The following KLF6 variants were observed in gnomAD, a reference collection of about 807,000 sequenced individuals.
KLF6 encodes the protein KLF transcription factor 6, also known as Krueppel-like factor 6.
For synonymous variants in KLF6, 152 were observed against 147.9 expected, an observed-to-expected ratio of 1.03 and a Z score of -0.20; for missense variants, 233 against 359.8, an observed-to-expected ratio of 0.65 and a Z score of 2.85.
At chr10:3,779,668 C>A in intron 3 of KLF6, 78 bp from the exon 4 acceptor site, 2 of 1,282,788 alleles carry the variant, frequency 1.6e-6, no homozygotes, top group Non-Finnish European at 2.3e-6. Flanking sequence ...GCCCTCACCT[C>A]CCTGCCCTGC....
chr10:3,780,426 C>G lies in KLF6; in HGVS notation c.677-197G>C. ...TGACCCAGTCTCAGGCCTCCCACTGCTGTCCAAGGGACACAGCTTCAGCCA... is the reference window on the plus strand; with the variant it reads ...TGACCCAGTCTCAGGCCTCCCACTGGTGTCCAAGGGACACAGCTTCAGCCA... On this transcript the variant is annotated intron_variant, in intron 2 of 3. Coordinates refer to ENST00000497571, the MANE Select transcript of KLF6 (RefSeq NM_001300.6). The surrounding 1 kb of genome is among the most constrained non-coding windows in gnomAD (Gnocchi z 4.6). 2 of 668,876 alleles carry G rather than the reference C, an allele frequency of 3.0e-6. No homozygotes were observed. The highest frequency in any genetic ancestry group is 5.4e-6 in the Non-Finnish European group (2 of 370,170). The allele number at this position is 668,876 out of a possible 1,614,324, so 41.4% of individuals were successfully genotyped here.
Position 3,780,308 on chromosome 10 carries a change from A to T in KLF6, c.677-79T>A. 1 of 1,575,048 alleles carries T rather than the reference A, an allele frequency of 6.3e-7. No homozygotes were observed. The highest frequency in any genetic ancestry group is 8.7e-7 in the Non-Finnish European group (1 of 1,154,292). ...AAAGGGGAAATTCAACAACACACAC[A>T]GTGGTGGGATGCAAGGCCAGGGACC... On this transcript the variant is annotated intron_variant, in intron 2 of 3. Transcript: ENST00000497571. The surrounding 1 kb of genome is among the most constrained non-coding windows in gnomAD (Gnocchi z 4.6).
In KLF6 at chr10:3,781,306, G is replaced by A. The variant is rs980430779; in HGVS notation, c.676+335C>T. 27 of 960,656 alleles carry A rather than the reference G, an allele frequency of 2.8e-5. No individual in the cohort carries two copies. The highest frequency in any genetic ancestry group is 3.9e-5 in the Non-Finnish European group (26 of 669,902). 59.5% of individuals were successfully genotyped at this position (960,656 alleles called of 1,614,324 possible). A position where few individuals can be genotyped will look rare whatever the true frequency, so the allele number is the denominator to read the frequency against. Reference sequence around the variant, plus strand: ...CCCCAGGGCCGCTCGAGGTAGCCTCGTGCGAGTGCACTGGTGAAGGGGCAG... The same window carrying A: ...CCCCAGGGCCGCTCGAGGTAGCCTCATGCGAGTGCACTGGTGAAGGGGCAG... On this transcript the variant is annotated intron_variant, in intron 2 of 3. Transcript: ENST00000497571. This position sits in a 1 kb window ranked among gnomAD's most constrained non-coding sequence, Gnocchi z 5.8.
Position 3,778,944 on chromosome 10 carries a change from A to C in KLF6, c.*595T>G. The C allele has an allele frequency of 1.9e-6, 1 of 534,848 alleles. No individual in the cohort carries two copies. The highest frequency in any genetic ancestry group is 3.6e-6 in the Non-Finnish European group (1 of 276,678). The allele number at this position is 534,848 out of a possible 1,614,324, so 33.1% of individuals were successfully genotyped here. Reference sequence around the variant, plus strand: ...TTCCTCTCACACAGAAAAGGGGGAGAGAGGCTCTCCCTCCCCACACCACTC... The same window carrying C: ...TTCCTCTCACACAGAAAAGGGGGAGCGAGGCTCTCCCTCCCCACACCACTC... On this transcript the variant is annotated 3_prime_UTR_variant, in exon 4 of 4. Coordinates refer to ENST00000497571, the MANE Select transcript of KLF6 (RefSeq NM_001300.6).
intron 3 of KLF6, 92 bp from the exon 4 acceptor site, chr10:3,779,682 G>T: frequency 8.6e-7 from 1 of 1,159,334 alleles, no homozygotes; most frequent in Non-Finnish European, 1.3e-6. Context: ...GCCCTGCCCA[G>T]CCTAACCCCC....
rs1366212029 is a variant in KLF6 at position 3,785,059 on chromosome 10, G to C, written c.-45C>G. ...AGCCCGCGGTCGCGAGGGCGGCGAG[G>C]CGCGCGGTGGGAGCCGGAGCCGAAA... On this transcript the variant is annotated 5_prime_UTR_variant, in exon 1 of 4. Transcript: ENST00000497571. The C allele has an allele frequency of 6.2e-7, 1 of 1,607,864 alleles. No homozygotes were observed. Among genetic ancestry groups the C allele is most frequent in the East Asian group, 2.2e-5 (1 of 44,702 alleles).
Position 3,778,960 on chromosome 10 carries a change from C to A in KLF6, c.*579G>T, listed in dbSNP as rs1285339458. ...AAGGGGGAGAGAGGCTCTCCCTCCCCACACCACTCGCCACTCTGGGGTCCT... is the reference window on the plus strand; with the variant it reads ...AAGGGGGAGAGAGGCTCTCCCTCCCAACACCACTCGCCACTCTGGGGTCCT... On this transcript the variant is annotated 3_prime_UTR_variant, in exon 4 of 4. Coordinates refer to ENST00000497571, the MANE Select transcript of KLF6 (RefSeq NM_001300.6). 2 of 534,866 alleles carry A rather than the reference C, an allele frequency of 3.7e-6. No homozygotes were observed. The highest frequency in any genetic ancestry group is 1.9e-5 in the African/African-American group (1 of 53,970). 33.1% of individuals were successfully genotyped at this position (534,866 alleles called of 1,614,324 possible).
At position 3,781,283 on chromosome 10, in the gene KLF6, C is replaced by G. The variant is rs1248914582; in HGVS notation, c.676+358G>C. 3.9e-6 allele frequency: 3 copies of G among 769,992 alleles called. No individual in the cohort carries two copies. The highest frequency in any genetic ancestry group is 6.0e-6 in the Non-Finnish European group (3 of 499,822). The allele number at this position is 769,992 out of a possible 1,614,324, so 47.7% of individuals were successfully genotyped here. A position where few individuals can be genotyped will look rare whatever the true frequency, so the allele number is the denominator to read the frequency against. On this transcript the variant is annotated intron_variant, in intron 2 of 3. Transcript: ENST00000497571. The surrounding 1 kb of genome is among the most constrained non-coding windows in gnomAD (Gnocchi z 5.8). ...ACCCTTGAGTTTCATTTAGGAAACC[C>G]CAGGGCCGCTCGAGGTAGCCTCGTG...
At position 3,776,188 on chromosome 10, in the gene KLF6, G is replaced by T; in HGVS notation, c.*3351C>A. 1.9e-6 allele frequency: 1 copy of T among 531,612 alleles called. No homozygotes were observed. Among genetic ancestry groups the T allele is most frequent in the African/African-American group, 1.9e-5 (1 of 53,798 alleles). 32.9% of individuals were successfully genotyped at this position (531,612 alleles called of 1,614,324 possible). A position where few individuals can be genotyped will look rare whatever the true frequency, so the allele number is the denominator to read the frequency against. ...TGCGGAACTGGAGCAGGCTGTGGAG[G>T]CACAGAAGTGGCAGGGAAACACTCA... On this transcript the variant is annotated 3_prime_UTR_variant, in exon 4 of 4. Coordinates refer to ENST00000497571, the MANE Select transcript of KLF6 (RefSeq NM_001300.6).
In KLF6 at chr10:3,780,367, T is replaced by C; in HGVS notation, c.677-138A>G. The C allele has an allele frequency of 1.0e-6, 1 of 1,001,300 alleles. No homozygotes were observed. The highest frequency in any genetic ancestry group is 1.6e-6 in the Non-Finnish European group (1 of 640,154). The allele number at this position is 1,001,300 out of a possible 1,614,324, so 62.0% of individuals were successfully genotyped here. ...TCTGGCATCGGTAACACACAACAAC[T>C]GGCAGCCTCAGAGAGACAACAGCAG... On this transcript the variant is annotated intron_variant, in intron 2 of 3. Coordinates refer to ENST00000497571, the MANE Select transcript of KLF6 (RefSeq NM_001300.6). The surrounding 1 kb of genome is among the most constrained non-coding windows in gnomAD (Gnocchi z 4.6).
At position 3,778,088 on chromosome 10, in the gene KLF6, CA is replaced by C. The variant is rs1213436704; in HGVS notation, c.*1450del. 1 of 516,270 alleles carries C rather than the reference CA, an allele frequency of 1.9e-6. No homozygotes were observed. The highest frequency in any genetic ancestry group is 3.8e-6 in the Non-Finnish European group (1 of 265,018). 32.0% of individuals were successfully genotyped at this position (516,270 alleles called of 1,614,324 possible). Reference sequence around the variant, plus strand: ...TGTTTTCCATTTTAACACTGACAGTCAAGTTGCCTAAAGTGTTGAACAAATA... The same window carrying C: ...TGTTTTCCATTTTAACACTGACAGTCAGTTGCCTAAAGTGTTGAACAAATA... On this transcript the variant is annotated 3_prime_UTR_variant, in exon 4 of 4. Transcript: ENST00000497571.
At position 3,776,932 on chromosome 10, in the gene KLF6, CTTTTT is replaced by C; in HGVS notation, c.*2602_*2606del. The C allele has an allele frequency of 4.8e-6, 2 of 417,616 alleles. No homozygotes were observed. The highest frequency in any genetic ancestry group is 2.2e-5 in the African/African-American group (1 of 45,930). The allele number at this position is 417,616 out of a possible 1,614,324, so 25.9% of individuals were successfully genotyped here. ...AAGCCAGTGCAAGTTTTTTTTTTTCCTTTTTTTTTTTTTGTCTTTTGCTTACCTTC... is the reference window on the plus strand; with the variant it reads ...AAGCCAGTGCAAGTTTTTTTTTTTCCTTTTTTTTGTCTTTTGCTTACCTTC... On this transcript the variant is annotated 3_prime_UTR_variant, in exon 4 of 4. Transcript: ENST00000497571.
At position 3,780,354 on chromosome 10, in the gene KLF6, A is replaced by G. The variant is rs541810797; in HGVS notation, c.677-125T>C. On this transcript the variant is annotated intron_variant, in intron 2 of 3. Transcript: ENST00000497571. The surrounding 1 kb of genome is among the most constrained non-coding windows in gnomAD (Gnocchi z 4.6). ...GGACCCAGTGGCTTCTGGCATCGGTAACACACAACAACTGGCAGCCTCAGA... is the reference window on the plus strand; with the variant it reads ...GGACCCAGTGGCTTCTGGCATCGGTGACACACAACAACTGGCAGCCTCAGA... 1 of 1,101,062 alleles carries G rather than the reference A, an allele frequency of 9.1e-7. No homozygotes were observed. Among genetic ancestry groups the G allele is most frequent in the Non-Finnish European group, 1.4e-6 (1 of 727,858 alleles). 68.2% of individuals were successfully genotyped at this position (1,101,062 alleles called of 1,614,324 possible).
chr10:3,780,350 C>T lies in KLF6; in HGVS notation c.677-121G>A, dbSNP rs1009109661. 5.9e-6 allele frequency: 7 copies of T among 1,186,204 alleles called. No homozygotes were observed. Among genetic ancestry groups the T allele is most frequent in the Non-Finnish European group, 8.7e-6 (7 of 804,948 alleles). The allele number at this position is 1,186,204 out of a possible 1,614,324, so 73.5% of individuals were successfully genotyped here. A position where few individuals can be genotyped will look rare whatever the true frequency, so the allele number is the denominator to read the frequency against. ...CCAGGGACCCAGTGGCTTCTGGCAT[C>T]GGTAACACACAACAACTGGCAGCCT... On this transcript the variant is annotated intron_variant, in intron 2 of 3. Coordinates refer to ENST00000497571, the MANE Select transcript of KLF6 (RefSeq NM_001300.6). The surrounding 1 kb of genome is among the most constrained non-coding windows in gnomAD (Gnocchi z 4.6).
In KLF6 at chr10:3,780,246, G is replaced by C; in HGVS notation, c.677-17C>G. ...GCTTTTCTCCTGGGGAGAGAGCACA[G>C]GACAAGCAGCCCATGACTTCACTGA... On this transcript the variant is annotated splice_polypyrimidine_tract_variant and intron_variant, in intron 2 of 3. Coordinates refer to ENST00000497571, the MANE Select transcript of KLF6 (RefSeq NM_001300.6). The surrounding 1 kb of genome is among the most constrained non-coding windows in gnomAD (Gnocchi z 4.6). 6.2e-7 allele frequency: 1 copy of C among 1,613,078 alleles called. No homozygotes were observed. Among genetic ancestry groups the C allele is most frequent in the Non-Finnish European group, 8.5e-7 (1 of 1,180,004 alleles).
Position 3,780,505 on chromosome 10 carries a change from C to G in KLF6, c.677-276G>C, listed in dbSNP as rs1332317474. The G allele has an allele frequency of 8.0e-6, 4 of 501,464 alleles. No individual in the cohort carries two copies. In the Admixed American group the frequency reaches 9.5e-5, roughly 12 times the overall value. 31.1% of individuals were successfully genotyped at this position (501,464 alleles called of 1,614,324 possible). A position where few individuals can be genotyped will look rare whatever the true frequency, so the allele number is the denominator to read the frequency against. Reference sequence around the variant, plus strand: ...GTGGAAGAACGACCACGACTCAGACCAGCAAAATGCTTGCGGGATGAGGTG... The same window carrying G: ...GTGGAAGAACGACCACGACTCAGACGAGCAAAATGCTTGCGGGATGAGGTG... On this transcript the variant is annotated intron_variant, in intron 2 of 3. Transcript: ENST00000497571. The surrounding 1 kb of genome is among the most constrained non-coding windows in gnomAD (Gnocchi z 4.6).
chr10:3,776,677 G>T lies in KLF6; in HGVS notation c.*2862C>A. ...CAAAATTTTACAAAAATCTTACAAAGATTCTTTAGATAACAGGGTGCTTCC... is the reference window on the plus strand; with the variant it reads ...CAAAATTTTACAAAAATCTTACAAATATTCTTTAGATAACAGGGTGCTTCC... On this transcript the variant is annotated 3_prime_UTR_variant, in exon 4 of 4. Coordinates refer to ENST00000497571, the MANE Select transcript of KLF6 (RefSeq NM_001300.6). 2 of 417,686 alleles carry T rather than the reference G, an allele frequency of 4.8e-6. No individual in the cohort carries two copies. Among genetic ancestry groups the T allele is most frequent in the Non-Finnish European group, 9.0e-6 (2 of 222,632 alleles). The allele number at this position is 417,686 out of a possible 1,614,324, so 25.9% of individuals were successfully genotyped here.
At position 3,776,309 on chromosome 10, in the gene KLF6, G is replaced by A; in HGVS notation, c.*3230C>T. The A allele has an allele frequency of 1.9e-6, 1 of 533,030 alleles. No individual in the cohort carries two copies. Among genetic ancestry groups the A allele is most frequent in the Non-Finnish European group, 3.6e-6 (1 of 275,536 alleles). The allele number at this position is 533,030 out of a possible 1,614,324, so 33.0% of individuals were successfully genotyped here. A position where few individuals can be genotyped will look rare whatever the true frequency, so the allele number is the denominator to read the frequency against. On this transcript the variant is annotated 3_prime_UTR_variant, in exon 4 of 4. Transcript: ENST00000497571. ...GTTCCCTACTGTGCCCACAGCCGGGGGGTTGTTTTTGTCAGTCCTTGGAGA... is the reference window on the plus strand; with the variant it reads ...GTTCCCTACTGTGCCCACAGCCGGGAGGTTGTTTTTGTCAGTCCTTGGAGA...
rs78224720 is a variant in KLF6 at position 3,779,863 on chromosome 10, G to A, written c.800+243C>T. On this transcript the variant is annotated intron_variant, in intron 3 of 3. Coordinates refer to ENST00000497571, the MANE Select transcript of KLF6 (RefSeq NM_001300.6). ...TCTTCAAATATGAAAACTGTTGAAAGGCCAATCTCCAAACATATCAATAAA... is the reference window on the plus strand; with the variant it reads ...TCTTCAAATATGAAAACTGTTGAAAAGCCAATCTCCAAACATATCAATAAA... Among the ~76,000 whole-genome samples the A allele has an allele frequency of 1.8e-3, 270 of 152,352 alleles. 1 individual carries two copies. Among genetic ancestry groups the A allele is most frequent in the African/African-American group, 6.3e-3 (262 of 41,566 alleles).
Sources: allele counts gnomAD v4.1 joint callset (sites outside exome capture counted in the v4.1 genomes callset), GRCh38; gene constraint gnomAD v4.1.1; non-coding constraint Gnocchi (gnomAD v3.1); transcripts MANE v1.5; gene names NCBI Gene and HGNC (gene_info 2026-07-23, HGNC 2026-07-21).